Variants in MAP3K15 observed in about 807,000 individuals in gnomAD.
The protein encoded by MAP3K15 is mitogen-activated protein kinase kinase kinase 15.
MAP3K15 carries 124 observed loss-of-function variants against 99.5 expected under a neutral mutation model. The ratio of observed to expected loss-of-function variants is 1.25; its 90% CI spans 1.08 to 1.45. The LOEUF (loss-of-function observed/expected upper bound fraction) is 1.45, where lower values mean the gene tolerates loss of function less well. MAP3K15 is among the 40% of genes most tolerant of loss of function. The pLI, the probability that MAP3K15 is intolerant of heterozygous loss-of-function variation, is 0.00. For synonymous variants in MAP3K15, 494 were observed against 439.6 expected (o/e 1.12, Z -1.55); for missense variants, 1,242 against 1,079.7 (o/e 1.15, Z -2.11).
intron 18 of MAP3K15, among the ~76,000 whole-genome samples, chrX:19,384,780 A>C (rs747027883): frequency 9.2e-4 from 94 of 101,973 alleles, no homozygotes; most frequent in Admixed American, 2.4e-3. Context: ...AAAAAAAAAA[A>C]CTGTACATTT....
intron 3 of MAP3K15, among the ~76,000 whole-genome samples, chrX:19,468,569 A>G (rs143700467): frequency 3.6e-5 from 4 of 112,041 alleles, no homozygotes; most frequent in Admixed American, 1.9e-4. Flanking sequence ...CAAGAGTCAG[A>G]ATAACTGTGC....
Position 19,360,148 on chromosome X carries a change from A to C in MAP3K15, c.*601T>G. 1 of 156,357 alleles carries C rather than the reference A, an allele frequency of 6.4e-6. No homozygotes were observed. 12.9% of individuals were successfully genotyped at this position (156,357 alleles called of 1,213,427 possible). ...TCATTCCAATTTTGTAATCATTTCA[A>C]AGGCCACATAACTTAGTTTTCTCTA... On this transcript the variant is annotated 3_prime_UTR_variant, in exon 29 of 29. Transcript: ENST00000338883.
At chrX:19,384,334 G>C (rs1330378630) in intron 18 of MAP3K15, among the ~76,000 whole-genome samples, 1 of 110,227 alleles carries the variant, frequency 9.1e-6, no homozygotes, top group Non-Finnish European at 1.9e-5. Flanking sequence ...GTTACCAGAG[G>C]CTGGGAAGGG....
At chrX:19,474,940 C>T (rs1162237285) in intron 3 of MAP3K15, among the ~76,000 whole-genome samples, 1 of 111,107 alleles carries the variant, frequency 9.0e-6, no homozygotes, top group East Asian at 2.8e-4. Flanking sequence ...TGGTCCCCAA[C>T]CTTTTTGGCA....
At chrX:19,466,294 G>A (rs887705081) in intron 3 of MAP3K15, among the ~76,000 whole-genome samples, 1 of 111,529 alleles carries the variant, frequency 9.0e-6, no homozygotes, top group Non-Finnish European at 1.9e-5. Flanking sequence ...ATATGGTTAG[G>A]CTTTGTGTCC....
At position 19,457,002 on chromosome X, in the gene MAP3K15, C is replaced by T; in HGVS notation, c.906G>A (p.Val302=). The change falls in exon 6 of 29, where the codon GTG becomes GTA. Residue 302 remains valine, a synonymous_variant. Coordinates refer to ENST00000338883, the MANE Select transcript of MAP3K15 (RefSeq NM_001001671.4). ...YRDIQDYDAM[V]KLVETLEMLP... ...GCATCTCCAGTGTTTCCACCAGCTT[C>T]ACCATCGCATCATAGTCCTGTTGGC... 8.4e-7 allele frequency: 1 copy of T among 1,195,305 alleles called. No individual in the cohort carries two copies. The highest frequency in any genetic ancestry group is 3.0e-5 in the East Asian group (1 of 33,807).
chrX:19,506,386 G>GC (rs1466528209), intron 1 of MAP3K15, among the ~76,000 whole-genome samples: 12 of 111,643 alleles, frequency 1.1e-4, no homozygotes, highest in African/African-American at 3.9e-4. Context: ...CAAATCTTTA[G>GC]CAGCCACCTC....
At chrX:19,483,086 TAA>T (rs765257605) in intron 3 of MAP3K15, among the ~76,000 whole-genome samples, 2 of 96,433 alleles carry the variant, frequency 2.1e-5, no homozygotes. Flanking sequence ...CTGTCTCTAC[TAA>T]AAAAAAAAAA....
At chrX:19,485,118 G>T (rs1211931809) in intron 3 of MAP3K15, among the ~76,000 whole-genome samples, 1 of 109,944 alleles carries the variant, frequency 9.1e-6, no homozygotes, top group Non-Finnish European at 1.9e-5. Flanking sequence ...AGACCAGCCT[G>T]GCCAACATTG....
chrX:19,373,768 C>T (rs2063398058), intron 20 of MAP3K15, 73 bp from the exon 21 acceptor site: 7 of 1,089,809 alleles, frequency 6.4e-6, no homozygotes, highest in Non-Finnish European at 8.6e-6. Context: ...CCCTGGCAGC[C>T]CCTCAAGCCC....
intron 21 of MAP3K15, chrX:19,373,181 G>A (rs962912959): frequency 1.5e-4 from 28 of 184,489 alleles, no homozygotes; most frequent in South Asian, 5.1e-4. Context: ...AGGAGGAGGG[G>A]CCAGGAGGAG....
At chrX:19,435,807 C>G (rs917926260) in intron 6 of MAP3K15, among the ~76,000 whole-genome samples, 1 of 112,195 alleles carries the variant, frequency 8.9e-6, no homozygotes, top group African/African-American at 3.2e-5. Context: ...GGCCATTTCA[C>G]AATTAAGAGA....
chrX:19,422,784 T>A (rs1316783761), intron 9 of MAP3K15, among the ~76,000 whole-genome samples: 1 of 111,460 alleles, frequency 9.0e-6, no homozygotes, highest in Non-Finnish European at 1.9e-5. Flanking sequence ...AAGCCAAATG[T>A]CCAACAACGA....
chrX:19,442,347 G>A (rs146644562), intron 6 of MAP3K15, among the ~76,000 whole-genome samples: 3 of 111,127 alleles, frequency 2.7e-5, no homozygotes. Flanking sequence ...GTCTGACTTG[G>A]ATGTTTTTGT....
intron 15 of MAP3K15, 142 bp downstream of exon 15, chrX:19,398,081 AAAG>A: frequency 4.3e-6 from 3 of 700,617 alleles, no homozygotes; most frequent in South Asian, 3.3e-5. Context: ...AAAAAAAAAA[AAAG>A]ATCACCCCTA....
chrX:19,400,190 A>G (rs1357455971), intron 14 of MAP3K15, among the ~76,000 whole-genome samples: 2 of 112,121 alleles, frequency 1.8e-5, no homozygotes, highest in Non-Finnish European at 3.8e-5. Context: ...TAAAGTTGTT[A>G]TATTTCATAT....
chrX:19,461,992 A>AACACACACACACAC lies in MAP3K15; in HGVS notation c.720-1853_720-1840dup, dbSNP rs66666219. Among the ~76,000 whole-genome samples, 76 of 100,628 alleles carry AACACACACACACAC rather than the reference A, an allele frequency of 7.6e-4. 1 individual carries two copies. Among genetic ancestry groups the AACACACACACACAC allele is most frequent in the Middle Eastern group, 5.0e-3 (1 of 200 alleles). The allele number at this position is 100,628 out of a possible 115,157, so 87.4% of individuals were successfully genotyped here. On this transcript the variant is annotated intron_variant, in intron 4 of 28. Coordinates refer to ENST00000338883, the MANE Select transcript of MAP3K15 (RefSeq NM_001001671.4). ...GGCGACAGAGTGAGACTTGGTCTAA[A>AACACACACACACAC]ACACACACACACACACACACACACA...
chrX:19,489,783 C>T (rs2064354788), intron 1 of MAP3K15, among the ~76,000 whole-genome samples: 1 of 110,882 alleles, frequency 9.0e-6, no homozygotes, highest in Admixed American at 9.6e-5. Flanking sequence ...TGCCTGTAGT[C>T]CTAGCACCTT....
chrX:19,375,979 A>C (rs1438096455), intron 19 of MAP3K15, among the ~76,000 whole-genome samples: 1 of 112,246 alleles, frequency 8.9e-6, no homozygotes, highest in African/African-American at 3.2e-5. Flanking sequence ...TTAAGCTGGC[A>C]CTGTTCACAG....
Sources: gnomAD v4.1 joint callset for allele counts (sites outside exome capture counted in the v4.1 genomes callset) on GRCh38, gnomAD v4.1.1 for gene constraint, MANE v1.5 for transcripts, NCBI Gene and HGNC (gene_info 2026-07-23, HGNC 2026-07-21) for gene names.